The following GON4L variants were observed in gnomAD, a reference collection of about 807,000 sequenced individuals.
The protein encoded by GON4L is gon-4 like, also known as GON-4-like protein.
Under a neutral mutation model 211.8 loss-of-function variants are expected in GON4L, and 87 were observed. That is an observed-to-expected ratio of 0.41 (90% CI 0.35 to 0.49). The LOEUF is 0.49. GON4L is among the 20% of genes least tolerant of loss of function. The pLI is 0.15. For missense variants in GON4L, 2,155 were observed against 2,659.5 expected (o/e 0.81, Z 4.17); for synonymous variants, 875 against 962.6 (o/e 0.91, Z 1.68).
At chr1:155,781,074 A>G (rs1394944381) in intron 14 of GON4L, among the ~76,000 whole-genome samples, 7 of 152,134 alleles carry the variant, frequency 4.6e-5, no homozygotes, top group Non-Finnish European at 1.0e-4. Flanking sequence ...GAAGACCAGA[A>G]GCATAAAAAA....
chr1:155,843,971 T>C (rs1671005813), intron 2 of GON4L, among the ~76,000 whole-genome samples: 1 of 152,218 alleles, frequency 6.6e-6, no homozygotes, highest in Admixed American at 6.5e-5. Flanking sequence ...TAGCTTTCCA[T>C]TTTGCTTATC....
chr1:155,841,784 T>C (rs1262772489), intron 2 of GON4L, among the ~76,000 whole-genome samples: 2 of 152,166 alleles, frequency 1.3e-5, no homozygotes, highest in African/African-American at 4.8e-5. Context: ...TCCCAGCACT[T>C]TGGGAAGCCA....
chr1:155,858,289 G>T (rs918063545), upstream of GON4L, among the ~76,000 whole-genome samples: 12 of 152,148 alleles, frequency 7.9e-5, no homozygotes, highest in Non-Finnish European at 1.2e-4. Flanking sequence ...AATGTCAAAA[G>T]GTGGAAAAAT....
At chr1:155,859,120 T>C (rs1627630), upstream of GON4L, among the ~76,000 whole-genome samples, 142,418 of 152,154 alleles carry the variant, frequency 0.94, 67,418 homozygotes, top group East Asian at 1. Flanking sequence ...AAAAAAGTTC[T>C]GTAATAACCT....
At chr1:155,748,938 T>G, downstream of GON4L, 2 of 832,624 alleles carry the variant, frequency 2.4e-6, no homozygotes, top group Non-Finnish European at 3.7e-6. Flanking sequence ...ATCCAGCTGA[T>G]GGCCTGATAA....
In GON4L at chr1:155,762,228, G is replaced by A; in HGVS notation, c.4873C>T (p.Gln1625Ter). 6.2e-7 allele frequency: 1 copy of A among 1,610,836 alleles called. No individual in the cohort carries two copies. The highest frequency in any genetic ancestry group is 1.1e-5 in the South Asian group (1 of 90,186). ...DILERDPLREQKDLAFAQAYL... is the reference protein window; with the variant it reads ...DILERDPLRE ...GCTTGGGCAAAGGCCAAGTCCTTCTGCTCCCTGAGTGGATCTCGCTCGAGA... is the reference window on the plus strand; with the variant it reads ...GCTTGGGCAAAGGCCAAGTCCTTCTACTCCCTGAGTGGATCTCGCTCGAGA... The change falls in exon 23 of 32, where the codon CAG becomes TAG. Residue 1625 changes from glutamine to a stop codon, truncating the protein, a stop_gained. Coordinates refer to ENST00000368331, the MANE Select transcript of GON4L (RefSeq NM_001282860.2). LOFTEE classifies it high-confidence loss of function.
At chr1:155,792,190 A>G (rs572799654) in intron 12 of GON4L, among the ~76,000 whole-genome samples, 1 of 152,302 alleles carries the variant, frequency 6.6e-6, no homozygotes, top group Non-Finnish European at 1.5e-5. Context: ...CAAGCGGGCA[A>G]AAAACATGTG....
intron 6 of GON4L, among the ~76,000 whole-genome samples, chr1:155,819,054 C>T (rs1012964077): frequency 2.0e-5 from 3 of 150,616 alleles, no homozygotes; most frequent in Non-Finnish European, 4.4e-5. Context: ...CTTTGGGAGG[C>T]CAAGGCGGGC....
chr1:155,828,459 A>G (rs1001414701), intron 2 of GON4L, among the ~76,000 whole-genome samples: 1 of 151,208 alleles, frequency 6.6e-6, no homozygotes, highest in African/African-American at 2.4e-5. Flanking sequence ...GTGCCACTTC[A>G]CTCCAGCCAG....
intron 18 of GON4L, among the ~76,000 whole-genome samples, chr1:155,772,390 T>C (rs112612455): frequency 1.3e-4 from 19 of 151,992 alleles, no homozygotes; most frequent in African/African-American, 4.6e-4. Flanking sequence ...TAACAACATA[T>C]ATGATCGTGG....
chr1:155,751,256 C>T (rs952499848), intron 31 of GON4L, among the ~76,000 whole-genome samples: 2 of 152,174 alleles, frequency 1.3e-5, no homozygotes, highest in African/African-American at 4.8e-5. Context: ...GGGGCTTCCA[C>T]TTTAAAATCC....
chr1:155,816,410 CTCAATTATTTG>C, intron 6 of GON4L, 148 bp from the exon 7 acceptor site: 1 of 563,484 alleles, frequency 1.8e-6, no homozygotes, highest in East Asian at 2.9e-5. Context: ...AGGGTATACT[CTCAATTATTTG>C]TCAGAGTTAG....
At chr1:155,771,563 C>T (rs568815513) in intron 18 of GON4L, among the ~76,000 whole-genome samples, 28 of 152,248 alleles carry the variant, frequency 1.8e-4, no homozygotes, top group African/African-American at 6.5e-4. Context: ...GCCTTGAATG[C>T]CTGGGCTCAA....
intron 3 of GON4L, among the ~76,000 whole-genome samples, chr1:155,824,492 C>T (rs113754521): frequency 7.1e-6 from 1 of 141,810 alleles, no homozygotes; most frequent in East Asian, 2.1e-4. Context: ...TGCCTGTAAT[C>T]CCAGCACTTT....
In GON4L at chr1:155,760,700, G is replaced by C. The variant is rs1332541853; in HGVS notation, c.4912-59C>G. ...TTATTTGGGCCACAACAAGCAATAA[G>C]GGTACAAGGGAGAAGGCAGGGTTAT... On this transcript the variant is annotated intron_variant, in intron 23 of 31. Transcript: ENST00000368331. 3 of 1,147,240 alleles carry C rather than the reference G, an allele frequency of 2.6e-6. No individual in the cohort carries two copies. The African/African-American group carries it at 4.5e-5, about 17-fold the overall frequency. The allele number at this position is 1,147,240 out of a possible 1,614,324, so 71.1% of individuals were successfully genotyped here.
Position 155,766,571 on chromosome 1 carries a change from G to A in GON4L, c.2902C>T (p.Arg968Trp). 4 of 1,614,072 alleles carry A rather than the reference G, an allele frequency of 2.5e-6. No individual in the cohort carries two copies. The highest frequency in any genetic ancestry group is 2.2e-5 in the South Asian group (2 of 91,052). Residue 968 changes from arginine (R) to tryptophan (W), a missense_variant, in exon 21 of 32, where the codon CGG becomes TGG. Transcript: ENST00000368331. ...CCCTTAGGCAATAGCAGTGGGTACC[G>A]AGATTCACTCCCCAACTCCAAATTG... is the stretch of plus-strand genomic sequence containing the variant. ...KDNLELGSESRYPLLLPKGVV... is the reference protein window; with the variant it reads ...KDNLELGSESWYPLLLPKGVV...
chr1:155,846,368 A>T (rs1026795516), intron 2 of GON4L: 2 of 151,866 alleles, frequency 1.3e-5, no homozygotes, highest in African/African-American at 4.8e-5. Flanking sequence ...TAAAAATACA[A>T]AAAAATTAGC....
chr1:155,827,295 TAAAGG>T (rs1483299251), intron 2 of GON4L, among the ~76,000 whole-genome samples: 2 of 152,344 alleles, frequency 1.3e-5, no homozygotes, highest in Non-Finnish European at 1.5e-5. Flanking sequence ...ATCAGACTTG[TAAAGG>T]AAATTCCTGA....
At chr1:155,752,908 A>G (rs1421788884) in intron 29 of GON4L, among the ~76,000 whole-genome samples, 1 of 152,172 alleles carries the variant, frequency 6.6e-6, no homozygotes. Flanking sequence ...AGAACGGCCC[A>G]GTCTTTAGGA....
Sources: allele counts gnomAD v4.1 joint callset (sites outside exome capture counted in the v4.1 genomes callset), GRCh38; gene constraint gnomAD v4.1.1; transcripts MANE v1.5; gene names NCBI Gene and HGNC (gene_info 2026-07-23, HGNC 2026-07-21).